PAX5: variants seen among roughly 807,000 people sequenced by gnomAD.
PAX5 encodes paired box protein Pax-5.
In PAX5, 9 loss-of-function variants were observed where a neutral mutation model predicts 43.7. The observed-to-expected ratio is 0.21, with a 90% CI of 0.12 to 0.36. The LOEUF (loss-of-function observed/expected upper bound fraction) is 0.36. PAX5 is among the 10% of genes least tolerant of loss of function. The probability of loss-of-function intolerance (pLI) is 1.00; values close to 1 mark genes in which losing one functional copy is unlikely to be tolerated. For synonymous variants in PAX5, 228 were observed against 214.3 expected, an observed-to-expected ratio of 1.06 and a Z score of -0.56; for missense variants, 383 against 532.7, an observed-to-expected ratio of 0.72 and a Z score of 2.77.
chr9:36,888,288 C>T (rs1827074310), intron 7 of PAX5, among the ~76,000 whole-genome samples: 1 of 152,216 alleles, frequency 6.6e-6, no homozygotes, highest in Non-Finnish European at 1.5e-5. Flanking sequence ...GAAATAAGAA[C>T]GTATGTCCAC....
At chr9:36,979,633 G>A (rs916131810) in intron 5 of PAX5, among the ~76,000 whole-genome samples, 4 of 152,154 alleles carry the variant, frequency 2.6e-5, no homozygotes, top group Admixed American at 6.5e-5. Flanking sequence ...GCTCAGAGAC[G>A]GAAAGTGGCC....
chr9:37,016,312 G>A (rs748706861), intron 2 of PAX5, among the ~76,000 whole-genome samples: 4 of 152,164 alleles, frequency 2.6e-5, no homozygotes, highest in Non-Finnish European at 4.4e-5. Flanking sequence ...AATAATCCTG[G>A]TGTAAAATTA....
At chr9:37,025,419 G>A (rs1840243427) in intron 1 of PAX5, among the ~76,000 whole-genome samples, 1 of 152,076 alleles carries the variant, frequency 6.6e-6, no homozygotes, top group Non-Finnish European at 1.5e-5. Context: ...CAGGCTGTTG[G>A]GATGGGGGGG....
chr9:36,950,365 C>G (rs928975163), intron 6 of PAX5, among the ~76,000 whole-genome samples: 1 of 152,206 alleles, frequency 6.6e-6, no homozygotes, highest in African/African-American at 2.4e-5. Flanking sequence ...CATCTTTTCT[C>G]CAAAATAGAA....
At chr9:36,989,379 T>C (rs1187263387) in intron 5 of PAX5, among the ~76,000 whole-genome samples, 1 of 152,116 alleles carries the variant, frequency 6.6e-6, no homozygotes, top group African/African-American at 2.4e-5. Flanking sequence ...ACTATTGAGC[T>C]GTGTGACCTT....
intron 5 of PAX5, among the ~76,000 whole-genome samples, chr9:36,989,235 C>T (rs865925494): frequency 6.6e-6 from 1 of 152,178 alleles, no homozygotes; most frequent in African/African-American, 2.4e-5. Context: ...GAATCAAAGC[C>T]CCATGTTGGA....
intron 3 of PAX5, among the ~76,000 whole-genome samples, chr9:37,013,433 G>A (rs1293781077): frequency 6.6e-6 from 1 of 152,106 alleles, no homozygotes; most frequent in Non-Finnish European, 1.5e-5. Flanking sequence ...TGTACTCTAC[G>A]TTGGGAAACC....
intron 6 of PAX5, among the ~76,000 whole-genome samples, chr9:36,962,112 C>T (rs1187457368): frequency 6.6e-6 from 1 of 152,224 alleles, no homozygotes; most frequent in Non-Finnish European, 1.5e-5. Context: ...ACAGCAGTAA[C>T]TGTCAGGACC....
chr9:37,015,432 T>G lies in PAX5; in HGVS notation c.213-238A>C, dbSNP rs547391432. 5.9e-5 allele frequency among the ~76,000 whole-genome samples: 9 copies of G among 152,300 alleles called. No individual in the cohort carries two copies. Among genetic ancestry groups the G allele is most frequent in the Non-Finnish European group, 1.3e-4 (9 of 68,018 alleles). On this transcript the variant is annotated intron_variant, in intron 2 of 9. Coordinates refer to ENST00000358127, the MANE Select transcript of PAX5 (RefSeq NM_016734.3). This position sits in a 1 kb window ranked among gnomAD's most constrained non-coding sequence, Gnocchi z 4.4. Reference sequence around the variant, plus strand: ...TTAGTACCAAAAGAAGTAAAATATCTCAATAATTTTGATATTAGTTGTATG... The same window carrying G: ...TTAGTACCAAAAGAAGTAAAATATCGCAATAATTTTGATATTAGTTGTATG...
chr9:36,966,961 T>C (rs1834498096), intron 5 of PAX5, among the ~76,000 whole-genome samples: 1 of 152,186 alleles, frequency 6.6e-6, no homozygotes, highest in Non-Finnish European at 1.5e-5. Flanking sequence ...TTGACAGGCA[T>C]CATGTCATCT....
chr9:37,019,274 C>T (rs751692193), intron 2 of PAX5, among the ~76,000 whole-genome samples: 4 of 152,176 alleles, frequency 2.6e-5, no homozygotes, highest in Non-Finnish European at 5.9e-5. Context: ...TCGCTCCCAT[C>T]CGCCTGCCTA....
At chr9:36,978,557 C>A (rs542736081) in intron 5 of PAX5, among the ~76,000 whole-genome samples, 34 of 152,052 alleles carry the variant, frequency 2.2e-4, no homozygotes, top group Admixed American at 2.0e-4. Context: ...ACTCTGATAT[C>A]TTTGCATTAC....
At chr9:37,006,853 C>A (rs1038414876) in intron 3 of PAX5, among the ~76,000 whole-genome samples, 1 of 152,210 alleles carries the variant, frequency 6.6e-6, no homozygotes, top group South Asian at 2.1e-4. Context: ...GTAAGCATCC[C>A]TTTCTCGAGT....
At chr9:36,996,753 C>G (rs987590745) in intron 5 of PAX5, among the ~76,000 whole-genome samples, 2 of 152,156 alleles carry the variant, frequency 1.3e-5, no homozygotes, top group Non-Finnish European at 2.9e-5. Context: ...CCATAGCTCC[C>G]GTGGAGGTCT....
chr9:36,908,353 C>T (rs1238600075), intron 7 of PAX5, among the ~76,000 whole-genome samples: 1 of 152,122 alleles, frequency 6.6e-6, no homozygotes, highest in African/African-American at 2.4e-5. Context: ...ACTGTCCCTT[C>T]CTTCATGCTG....
At chr9:36,994,479 A>G (rs1837217872) in intron 5 of PAX5, among the ~76,000 whole-genome samples, 1 of 151,946 alleles carries the variant, frequency 6.6e-6, no homozygotes, top group African/African-American at 2.4e-5. Flanking sequence ...CTGACTACCC[A>G]CTTCCCTGAC....
chr9:37,011,893 C>A (rs907228788), intron 3 of PAX5, among the ~76,000 whole-genome samples: 1 of 152,180 alleles, frequency 6.6e-6, no homozygotes, highest in Non-Finnish European at 1.5e-5. Flanking sequence ...GATGTGGACC[C>A]TCTTACACAG....
At chr9:36,948,675 G>A (rs889553034) in intron 6 of PAX5, among the ~76,000 whole-genome samples, 11 of 151,930 alleles carry the variant, frequency 7.2e-5, no homozygotes, top group Non-Finnish European at 1.5e-4. Flanking sequence ...GAGAAAGTCT[G>A]GGGAAGAAAA....
At chr9:37,002,908 G>T in intron 4 of PAX5, 132 bp from the exon 5 acceptor site, 2 of 1,141,632 alleles carry the variant, frequency 1.8e-6, no homozygotes, top group Non-Finnish European at 2.4e-6. Flanking sequence ...GAGGACCCTC[G>T]CTCTGCGGAG....
Sources: gnomAD v4.1 joint callset for allele counts (sites outside exome capture counted in the v4.1 genomes callset) on GRCh38, gnomAD v4.1.1 for gene constraint, Gnocchi (gnomAD v3.1) non-coding constraint, MANE v1.5 for transcripts, NCBI Gene and HGNC (gene_info 2026-07-23, HGNC 2026-07-21) for gene names.